Variants in NRG1 observed in about 807,000 individuals in gnomAD.
NRG1 encodes the protein pro-neuregulin-1, membrane-bound isoform.
A neutral mutation model predicts 63.8 loss-of-function variants in NRG1; 18 were observed. That is an observed-to-expected ratio of 0.28 (90% CI 0.19 to 0.42). The LOEUF (loss-of-function observed/expected upper bound fraction) is 0.42, where lower values mean the gene tolerates loss of function less well. NRG1 is among the 10% of genes least tolerant of loss of function. The pLI is 1.00. For synonymous variants in NRG1, 302 were observed against 301.3 expected, an observed-to-expected ratio of 1.00 and a Z score of -0.02; for missense variants, 762 against 814.7, an observed-to-expected ratio of 0.94 and a Z score of 0.79.
intron 1 of NRG1, among the ~76,000 whole-genome samples, chr8:31,782,394 C>T (rs1240262693): frequency 6.6e-6 from 1 of 152,082 alleles, no homozygotes; most frequent in Non-Finnish European, 1.5e-5. Flanking sequence ...TCACCCCCAC[C>T]CTGCTCTGTA....
At chr8:32,545,316 T>C (rs568985463), upstream of NRG1, among the ~76,000 whole-genome samples, 1 of 152,314 alleles carries the variant, frequency 6.6e-6, no homozygotes, top group South Asian at 2.1e-4. Flanking sequence ...CCAAGGTGTT[T>C]ATTTTTTAAA....
At chr8:32,156,426 G>A (rs948062689) in intron 1 of NRG1, among the ~76,000 whole-genome samples, 2 of 152,146 alleles carry the variant, frequency 1.3e-5, no homozygotes, top group Non-Finnish European at 2.9e-5. Flanking sequence ...ATTATGCTTT[G>A]CTTTCTTCTC....
At chr8:31,935,213 C>G (rs1835201902) in intron 1 of NRG1, among the ~76,000 whole-genome samples, 1 of 152,082 alleles carries the variant, frequency 6.6e-6, no homozygotes, top group South Asian at 2.1e-4. Context: ...ACCTCCTGGG[C>G]TCAAGTAATC....
chr8:31,927,333 G>A (rs1834439684), intron 1 of NRG1, among the ~76,000 whole-genome samples: 1 of 151,644 alleles, frequency 6.6e-6, no homozygotes, highest in South Asian at 2.1e-4. Flanking sequence ...CATAAATCCA[G>A]AGATTCTGAA....
At chr8:32,080,792 T>C (rs1014208467) in intron 1 of NRG1, among the ~76,000 whole-genome samples, 3 of 151,456 alleles carry the variant, frequency 2.0e-5, no homozygotes, top group Non-Finnish European at 4.4e-5. Context: ...TGTGTGTGTG[T>C]GTGTGTGTGT....
At chr8:31,847,407 G>A (rs1826792657) in intron 1 of NRG1, among the ~76,000 whole-genome samples, 1 of 152,188 alleles carries the variant, frequency 6.6e-6, no homozygotes, top group Non-Finnish European at 1.5e-5. Context: ...GTGTTCGGAT[G>A]AGCTATGGGT....
intron 1 of NRG1, among the ~76,000 whole-genome samples, chr8:31,690,201 C>T (rs1423921387): frequency 6.6e-6 from 1 of 151,570 alleles, no homozygotes; most frequent in Non-Finnish European, 1.5e-5. Context: ...TGTAAGTTTC[C>T]TGAAGCCTCC....
intron 6 of NRG1, among the ~76,000 whole-genome samples, chr8:32,731,689 A>C (rs951975560): frequency 3.0e-4 from 45 of 152,198 alleles, no homozygotes; most frequent in Non-Finnish European, 8.8e-5. Context: ...ATCACTAGTC[A>C]GAATTTAAAC....
intron 1 of NRG1, among the ~76,000 whole-genome samples, chr8:31,742,455 A>ATT (rs36040084): frequency 0.22 from 17,590 of 79,760 alleles, 2,755 homozygotes; most frequent in Non-Finnish European, 0.26. Context: ...TTTTTTAAGA[A>ATT]TTTTTTTTTT....
At chr8:31,984,779 T>C (rs1020765621) in intron 1 of NRG1, among the ~76,000 whole-genome samples, 4 of 152,154 alleles carry the variant, frequency 2.6e-5, no homozygotes, top group Non-Finnish European at 5.9e-5. Flanking sequence ...ATTAGGCACA[T>C]TGCCCCTGTG....
chr8:32,614,930 G>T (rs1847064938), intron 4 of NRG1, among the ~76,000 whole-genome samples: 1 of 152,036 alleles, frequency 6.6e-6, no homozygotes, highest in Non-Finnish European at 1.5e-5. Flanking sequence ...GTGTATTCCT[G>T]GGTAATTTGT....
At chr8:32,405,039 C>T (rs1286893873) in intron 1 of NRG1, among the ~76,000 whole-genome samples, 1 of 152,176 alleles carries the variant, frequency 6.6e-6, no homozygotes, top group Non-Finnish European at 1.5e-5. Context: ...AAATATCAAA[C>T]ATGGAGAAAT....
chr8:32,705,338 A>G (rs555838023), intron 5 of NRG1, among the ~76,000 whole-genome samples: 18 of 152,086 alleles, frequency 1.2e-4, no homozygotes, highest in African/African-American at 4.1e-4. Context: ...TCACCATGTT[A>G]GCCAGGATGG....
intron 5 of NRG1, 94 bp downstream of exon 5, chr8:32,616,979 A>C: frequency 1.1e-6 from 1 of 929,522 alleles, no homozygotes; most frequent in Non-Finnish European, 1.7e-6. Flanking sequence ...TGCCCCTATT[A>C]AGGGTCAGAG....
intron 1 of NRG1, among the ~76,000 whole-genome samples, chr8:32,031,114 C>T (rs1229027614): frequency 2.0e-5 from 3 of 152,104 alleles, no homozygotes; most frequent in African/African-American, 4.8e-5. Flanking sequence ...GAGGTGGTGC[C>T]GTGGTCTGTT....
chr8:31,723,517 A>G (rs1161544049), intron 1 of NRG1, among the ~76,000 whole-genome samples: 2 of 152,044 alleles, frequency 1.3e-5, no homozygotes, highest in Non-Finnish European at 2.9e-5. Context: ...GGCTATTCAC[A>G]GGCATGATCA....
At chr8:32,691,508 G>A (rs1811648016) in intron 5 of NRG1, among the ~76,000 whole-genome samples, 1 of 152,098 alleles carries the variant, frequency 6.6e-6, no homozygotes, top group South Asian at 2.1e-4. Context: ...TAGTCATGCT[G>A]TTAAGAAACA....
chr8:31,640,179 C>A lies in NRG1; in HGVS notation c.37+748C>A. 5 of 1,187,594 alleles carry A rather than the reference C, an allele frequency of 4.2e-6. No homozygotes were observed. Among genetic ancestry groups the A allele is most frequent in the Non-Finnish European group, 5.2e-6 (5 of 958,956 alleles). 73.6% of individuals were successfully genotyped at this position (1,187,594 alleles called of 1,614,324 possible). ...CGGGGGCCTCGGTGTGCTACTCGTC[C>A]CCGCCCAGCGTGGGATCGGTGCAGG... is the stretch of plus-strand genomic sequence containing the variant. On this transcript the variant is annotated intron_variant, in intron 1 of 10. Transcript: ENST00000519301. The surrounding 1 kb of genome is among the most constrained non-coding windows in gnomAD (Gnocchi z 6.3).
At chr8:32,189,552 A>G (rs1375637234) in intron 1 of NRG1, among the ~76,000 whole-genome samples, 1 of 152,222 alleles carries the variant, frequency 6.6e-6, no homozygotes, top group Non-Finnish European at 1.5e-5. Context: ...TAGAATGGAC[A>G]TAATAATATT....
Sources: allele counts gnomAD v4.1 joint callset (sites outside exome capture counted in the v4.1 genomes callset), GRCh38; gene constraint gnomAD v4.1.1; non-coding constraint Gnocchi (gnomAD v3.1); transcripts MANE v1.5; gene names NCBI Gene and HGNC (gene_info 2026-07-23, HGNC 2026-07-21).